NXN: variants seen among roughly 807,000 people sequenced by gnomAD.
NXN encodes nucleoredoxin 1.
Under a neutral mutation model 48.6 loss-of-function variants are expected in NXN, and 16 were observed. The ratio of observed to expected loss-of-function variants is 0.33; its 90% CI spans 0.22 to 0.50. The LOEUF (loss-of-function observed/expected upper bound fraction) is 0.50. Ranked by LOEUF, NXN falls within the 20% of genes least tolerant of loss-of-function variation. NXN has a pLI of 0.98. For synonymous variants in NXN, 281 were observed against 269.6 expected, an observed-to-expected ratio of 1.04 and a Z score of -0.41; for missense variants, 492 against 605.5, an observed-to-expected ratio of 0.81 and a Z score of 1.97.
chr17:877,078 T>C (rs1035913705), intron 1 of NXN, among the ~76,000 whole-genome samples: 1 of 151,528 alleles, frequency 6.6e-6, no homozygotes, highest in African/African-American at 2.4e-5. Flanking sequence ...AAACTCTGTC[T>C]CGAAAACAAA....
chr17:874,134 C>T (rs759916774), intron 1 of NXN, among the ~76,000 whole-genome samples: 1 of 152,180 alleles, frequency 6.6e-6, no homozygotes, highest in African/African-American at 2.4e-5. Context: ...CAAGGCCTGA[C>T]GGTTTTATAA....
chr17:977,671 G>A (rs2069477574), intron 1 of NXN, among the ~76,000 whole-genome samples: 1 of 152,170 alleles, frequency 6.6e-6, no homozygotes, highest in Non-Finnish European at 1.5e-5. Flanking sequence ...GCCGGATAAG[G>A]ACATTATTTT....
At chr17:816,873 G>A (rs1334564889) in intron 5 of NXN, among the ~76,000 whole-genome samples, 3 of 152,082 alleles carry the variant, frequency 2.0e-5, no homozygotes, top group Admixed American at 6.6e-5. Flanking sequence ...GGGGCATCCC[G>A]AAACTTATCT....
chr17:824,035 CA>C (rs1392058478), intron 2 of NXN, among the ~76,000 whole-genome samples: 12 of 124,278 alleles, frequency 9.7e-5, no homozygotes, highest in Admixed American at 1.8e-4. Flanking sequence ...CTTCCAGGGA[CA>C]TTTTTTTTTT....
intron 1 of NXN, among the ~76,000 whole-genome samples, chr17:913,931 G>T (rs1189334984): frequency 6.6e-6 from 1 of 151,804 alleles, no homozygotes; most frequent in Non-Finnish European, 1.5e-5. Context: ...ACAGAGTCTC[G>T]CCCTGTCGCC....
intron 1 of NXN, chr17:930,197 A>T (rs1382816918): frequency 6.6e-6 from 1 of 152,054 alleles, no homozygotes; most frequent in Non-Finnish European, 1.5e-5. Flanking sequence ...ACTATGGGAG[A>T]CTGAGGCAGG....
rs1015855699 is a variant in NXN, at chr17:953,798, G to A, written c.360+25521C>T. 3.9e-5 allele frequency among the ~76,000 whole-genome samples: 6 copies of A among 152,024 alleles called. No individual in the cohort carries two copies. In the South Asian group the frequency reaches 6.2e-4, roughly 16 times the overall value. On this transcript the variant is annotated intron_variant, in intron 1 of 7. Transcript: ENST00000336868. Reference sequence around the variant, plus strand: ...ACAAAAATTTAAAAATTATCTGGGCGTGGTGACACGCGCCTGTAGTCCCAG... The same window carrying A: ...ACAAAAATTTAAAAATTATCTGGGCATGGTGACACGCGCCTGTAGTCCCAG...
chr17:863,157 T>C (rs966966075), intron 1 of NXN, among the ~76,000 whole-genome samples: 1 of 152,052 alleles, frequency 6.6e-6, no homozygotes, highest in Non-Finnish European at 1.5e-5. Context: ...TTTCACATCC[T>C]GCGAATACTG....
intron 1 of NXN, among the ~76,000 whole-genome samples, chr17:893,389 CA>C (rs1215558119): frequency 1.3e-5 from 2 of 152,252 alleles, no homozygotes; most frequent in Non-Finnish European, 2.9e-5. Context: ...GCTTAAAAGA[CA>C]GCACCTTGGT....
rs72477054 is a variant in NXN, at chr17:835,650, G to A, written c.361-9572C>T. ...GGGACGGGACTGGGAACCGGGAAACGGTAAAAATGCCAACGAGAAAGTCCA... is the reference window on the plus strand; with the variant it reads ...GGGACGGGACTGGGAACCGGGAAACAGTAAAAATGCCAACGAGAAAGTCCA... On this transcript the variant is annotated intron_variant, in intron 1 of 7. Coordinates refer to ENST00000336868, the MANE Select transcript of NXN (RefSeq NM_022463.5). Among the ~76,000 whole-genome samples, 333 of 152,234 alleles carry A rather than the reference G, an allele frequency of 2.2e-3. 13 individuals carry two copies. The East Asian group carries it at 0.058, about 26-fold the overall frequency.
Position 846,462 on chromosome 17 carries a change from A to C in NXN, c.361-20384T>G, listed in dbSNP as rs8066476. Among the ~76,000 whole-genome samples the C allele has an allele frequency of 8.3e-3, 1,260 of 152,170 alleles. 22 individuals carry two copies. The highest frequency in any genetic ancestry group is 0.029 in the African/African-American group (1,211 of 41,484). ...GAAAAAAGAAAAAAAATTTTAAGGAAATTGAACACACGAACAAAGGACTTT... is the reference window on the plus strand; with the variant it reads ...GAAAAAAGAAAAAAAATTTTAAGGACATTGAACACACGAACAAAGGACTTT... On this transcript the variant is annotated intron_variant, in intron 1 of 7. Transcript: ENST00000336868.
intron 1 of NXN, among the ~76,000 whole-genome samples, chr17:831,336 A>G (rs2144671030): frequency 6.6e-6 from 1 of 152,166 alleles, no homozygotes; most frequent in East Asian, 1.9e-4. Context: ...ATACAAGAGG[A>G]TGTATATAGG....
Position 956,642 on chromosome 17 carries a change from A to T in NXN, c.360+22677T>A, listed in dbSNP as rs909114153. 1.3e-5 allele frequency among the ~76,000 whole-genome samples: 2 copies of T among 152,048 alleles called. No individual in the cohort carries two copies. Among genetic ancestry groups the T allele is most frequent in the Non-Finnish European group, 2.9e-5 (2 of 68,018 alleles). ...GTTAGCCAGGATGGTCTCGATCTCC[A>T]GACCTCAGGTGATCCGTCCACCTCA... On this transcript the variant is annotated intron_variant, in intron 1 of 7. Transcript: ENST00000336868. The surrounding 1 kb of genome is among the most constrained non-coding windows in gnomAD (Gnocchi z 4.1).
chr17:807,726 C>T (rs866232015), intron 5 of NXN, among the ~76,000 whole-genome samples: 2 of 152,210 alleles, frequency 1.3e-5, no homozygotes, highest in Admixed American at 6.5e-5. Flanking sequence ...CACTCGTGTT[C>T]GGCCCCTGCA....
intron 1 of NXN, among the ~76,000 whole-genome samples, chr17:867,753 C>CCATCT (rs1168127043): frequency 1.3e-5 from 2 of 152,106 alleles, no homozygotes; most frequent in Non-Finnish European, 2.9e-5. Context: ...TGGCAAGACC[C>CCATCT]CATCTCTACT....
rs528315144 is a variant in NXN at position 931,059 on chromosome 17, G to A, written c.360+48260C>T. Among the ~76,000 whole-genome samples, 132 of 152,228 alleles carry A rather than the reference G, an allele frequency of 8.7e-4. 1 individual carries two copies. The highest frequency in any genetic ancestry group is 2.5e-3 in the African/African-American group (104 of 41,546). ...GCCGGGATTACAGGCGTGAGCCACC[G>A]CACCCGGCTGGTGAGTTTGCTTTTA... On this transcript the variant is annotated intron_variant, in intron 1 of 7. Transcript: ENST00000336868.
chr17:922,224 T>C (rs1441753975), intron 1 of NXN, among the ~76,000 whole-genome samples: 2 of 152,058 alleles, frequency 1.3e-5, no homozygotes, highest in East Asian at 3.9e-4. Flanking sequence ...GGTGGATCAT[T>C]TGAGGCTGGG....
rs984202451 is a variant in NXN, at chr17:958,774, A to C, written c.360+20545T>G. Among the ~76,000 whole-genome samples the C allele has an allele frequency of 4.1e-4, 62 of 152,052 alleles. No individual in the cohort carries two copies. The highest frequency in any genetic ancestry group is 1.5e-3 in the African/African-American group (62 of 41,380). On this transcript the variant is annotated intron_variant, in intron 1 of 7. Transcript: ENST00000336868. This position sits in a 1 kb window ranked among gnomAD's most constrained non-coding sequence, Gnocchi z 6.9. The stretch of plus-strand genomic sequence containing the variant: ...GAGACTCCCTCTCAAAAAATAAAAT[A>C]AAATAAAAATTAGCTGGGGAGGTGG...
chr17:957,502 C>G (rs569013382), intron 1 of NXN, among the ~76,000 whole-genome samples: 56 of 151,670 alleles, frequency 3.7e-4, no homozygotes, highest in Admixed American at 1.7e-3. Context: ...CGTGGTGGTG[C>G]ACGCCTGTAG....
Sources: gnomAD v4.1 joint callset for allele counts (sites outside exome capture counted in the v4.1 genomes callset) on GRCh38, gnomAD v4.1.1 for gene constraint, Gnocchi (gnomAD v3.1) non-coding constraint, MANE v1.5 for transcripts, NCBI Gene and HGNC (gene_info 2026-07-23, HGNC 2026-07-21) for gene names.